GRIK3: variants seen among roughly 807,000 people sequenced by gnomAD.
The protein encoded by GRIK3 is glutamate ionotropic receptor kainate type subunit 3.
A neutral mutation model predicts 102.5 loss-of-function variants in GRIK3; 29 were observed. That is an observed-to-expected ratio of 0.28 (90% CI 0.21 to 0.39). The LOEUF is 0.39. Ranked by LOEUF, GRIK3 falls within the 10% of genes least tolerant of loss-of-function variation. The pLI is 1.00. For missense variants in GRIK3, 908 were observed against 1,252.4 expected, an observed-to-expected ratio of 0.73 and a Z score of 4.15; for synonymous variants, 511 against 504.9, an observed-to-expected ratio of 1.01 and a Z score of -0.16.
At chr1:36,828,496 G>A (rs771487562) in intron 10 of GRIK3, among the ~76,000 whole-genome samples, 2 of 152,198 alleles carry the variant, frequency 1.3e-5, no homozygotes, top group Non-Finnish European at 2.9e-5. Context: ...ATGCTGCACA[G>A]GTTTGTACCT....
chr1:36,950,434 A>C (rs895303857), intron 1 of GRIK3, among the ~76,000 whole-genome samples: 12 of 152,240 alleles, frequency 7.9e-5, no homozygotes, highest in African/African-American at 2.9e-4. Context: ...TAAAATGTGG[A>C]TGCTCCATAA....
chr1:36,869,207 C>T (rs936212678), intron 5 of GRIK3, among the ~76,000 whole-genome samples: 1 of 152,146 alleles, frequency 6.6e-6, no homozygotes, highest in African/African-American at 2.4e-5. Context: ...CCATCTGGAG[C>T]CTGTAGGTGG....
chr1:36,883,675 T>G (rs547813182), intron 2 of GRIK3, among the ~76,000 whole-genome samples: 3 of 152,250 alleles, frequency 2.0e-5, no homozygotes, highest in Admixed American at 2.0e-4. Flanking sequence ...ACTGACTCCT[T>G]GTCCCGGGAG....
At chr1:36,921,707 AT>A (rs60782114) in intron 1 of GRIK3, among the ~76,000 whole-genome samples, 1 of 151,710 alleles carries the variant, frequency 6.6e-6, no homozygotes, top group East Asian at 1.9e-4. Flanking sequence ...AATGGGTGGC[AT>A]TTTTTTTCTT....
chr1:36,915,127 C>T (rs1360512255), intron 1 of GRIK3, among the ~76,000 whole-genome samples: 1 of 152,240 alleles, frequency 6.6e-6, no homozygotes, highest in South Asian at 2.1e-4. Flanking sequence ...ACTCAGGGAG[C>T]ACCCACCATG....
intron 1 of GRIK3, among the ~76,000 whole-genome samples, chr1:36,924,534 C>A (rs1051698821): frequency 3.9e-5 from 6 of 152,170 alleles, no homozygotes; most frequent in African/African-American, 1.4e-4. Context: ...ATCACACACA[C>A]AGTCGCTGTT....
chr1:36,927,777 A>T (rs1305050002), intron 1 of GRIK3, among the ~76,000 whole-genome samples: 1 of 152,192 alleles, frequency 6.6e-6, no homozygotes, highest in Non-Finnish European at 1.5e-5. Flanking sequence ...AGATTTCAAC[A>T]GGTTCCGAGA....
chr1:36,923,556 T>C (rs1302504028), intron 1 of GRIK3, among the ~76,000 whole-genome samples: 1 of 152,218 alleles, frequency 6.6e-6, no homozygotes, highest in Admixed American at 6.5e-5. Flanking sequence ...ATGAGGATCA[T>C]GGAATGCTGG....
At chr1:36,919,088 A>C (rs769283158) in intron 1 of GRIK3, among the ~76,000 whole-genome samples, 3 of 152,332 alleles carry the variant, frequency 2.0e-5, no homozygotes, top group Non-Finnish European at 4.4e-5. Context: ...GGCTTTCCCA[A>C]GGGAGGTTCA....
chr1:36,816,993 T>C (rs1246729058), intron 13 of GRIK3, 67 bp downstream of exon 13: 37 of 1,116,522 alleles, frequency 3.3e-5, no homozygotes, highest in Non-Finnish European at 4.8e-5. Context: ...CCCTTTCCTC[T>C]TCTGCTCAGT....
At chr1:36,942,683 GGA>G (rs1248688171) in intron 1 of GRIK3, among the ~76,000 whole-genome samples, 1 of 151,678 alleles carries the variant, frequency 6.6e-6, no homozygotes, top group African/African-American at 2.4e-5. Context: ...GCCTACAGCT[GGA>G]GGAGAACTGG....
Position 36,799,831 on chromosome 1 carries a change from G to A in GRIK3, c.*2020C>T, listed in dbSNP as rs1334423314. On this transcript the variant is annotated 3_prime_UTR_variant, in exon 16 of 16. Coordinates refer to ENST00000373091, the MANE Select transcript of GRIK3 (RefSeq NM_000831.4). ...GATTCACCTATTATTGCATGCCCTGGACTATGTTATATGTCCAGATCTGTC... is the reference window on the plus strand; with the variant it reads ...GATTCACCTATTATTGCATGCCCTGAACTATGTTATATGTCCAGATCTGTC... 1 of 152,098 alleles carries A rather than the reference G, an allele frequency of 6.6e-6. No individual in the cohort carries two copies. The highest frequency in any genetic ancestry group is 1.5e-5 in the Non-Finnish European group (1 of 68,058). 9.4% of individuals were successfully genotyped at this position (152,098 alleles called of 1,614,324 possible). A position where few individuals can be genotyped will look rare whatever the true frequency, so the allele number is the denominator to read the frequency against.
At chr1:36,927,411 A>G (rs1641539114) in intron 1 of GRIK3, among the ~76,000 whole-genome samples, 1 of 152,200 alleles carries the variant, frequency 6.6e-6, no homozygotes, top group Non-Finnish European at 1.5e-5. Context: ...GTTCGACTTT[A>G]TGGGCTTTTC....
chr1:36,822,987 T>C (rs1156584126), intron 11 of GRIK3, among the ~76,000 whole-genome samples: 2 of 152,164 alleles, frequency 1.3e-5, no homozygotes, highest in African/African-American at 2.4e-5. Context: ...GCGTGCAAGA[T>C]GGACAGTCCT....
chr1:36,958,626 TGTGCCCTGTG>T (rs1641956755), intron 1 of GRIK3, among the ~76,000 whole-genome samples: 9 of 140,820 alleles, frequency 6.4e-5, no homozygotes, highest in African/African-American at 2.3e-4. Flanking sequence ...TGTGAGCCTG[TGTGCCCTGTG>T]ACTGTGTGCC....
intron 4 of GRIK3, among the ~76,000 whole-genome samples, chr1:36,871,690 A>G (rs1640845500): frequency 6.6e-6 from 1 of 152,198 alleles, no homozygotes; most frequent in Non-Finnish European, 1.5e-5. Flanking sequence ...TGCAGAGCTG[A>G]GCAGATGGTA....
At position 36,795,939 on chromosome 1, in the gene GRIK3, C is replaced by G. The variant is rs531302000; in HGVS notation, c.*5912G>C. 6.6e-6 allele frequency: 1 copy of G among 152,470 alleles called. No homozygotes were observed. Among genetic ancestry groups the G allele is most frequent in the Non-Finnish European group, 1.5e-5 (1 of 68,258 alleles). 9.4% of individuals were successfully genotyped at this position (152,470 alleles called of 1,614,324 possible). Reference sequence around the variant, plus strand: ...AGGCCCCTACCATGGGAGGCCCAACCAGGAAGTCGGCCCAGGCAGAGGTGG... The same window carrying G: ...AGGCCCCTACCATGGGAGGCCCAACGAGGAAGTCGGCCCAGGCAGAGGTGG... On this transcript the variant is annotated 3_prime_UTR_variant, in exon 16 of 16. Coordinates refer to ENST00000373091, the MANE Select transcript of GRIK3 (RefSeq NM_000831.4).
At chr1:36,885,940 TA>T (rs1641032261) in intron 2 of GRIK3, among the ~76,000 whole-genome samples, 1 of 152,124 alleles carries the variant, frequency 6.6e-6, no homozygotes, top group Non-Finnish European at 1.5e-5. Context: ...CAATTGTAGT[TA>T]TGGCAAAAAT....
chr1:36,937,609 G>A (rs531214957), intron 1 of GRIK3, among the ~76,000 whole-genome samples: 3 of 152,102 alleles, frequency 2.0e-5, no homozygotes, highest in East Asian at 1.9e-4. Flanking sequence ...AGGGAGCAGC[G>A]GTGGAGCAGA....
Sources: gnomAD v4.1 joint callset for allele counts (sites outside exome capture counted in the v4.1 genomes callset) on GRCh38, gnomAD v4.1.1 for gene constraint, MANE v1.5 for transcripts, NCBI Gene and HGNC (gene_info 2026-07-23, HGNC 2026-07-21) for gene names.